Variants in SLC27A4 observed in about 807,000 individuals in gnomAD.
SLC27A4 encodes long-chain fatty acid transport protein 4.
Under a neutral mutation model 64.4 loss-of-function variants are expected in SLC27A4, and 33 were observed. That is an observed-to-expected ratio of 0.51 (90% CI 0.39 to 0.68). SLC27A4 has a LOEUF of 0.68. SLC27A4 is among the 30% of genes least tolerant of loss of function. The probability of loss-of-function intolerance (pLI) is 0.00; values close to 1 mark genes in which losing one functional copy is unlikely to be tolerated. For synonymous variants in SLC27A4, 377 were observed against 370.0 expected (o/e 1.02, Z -0.22); for missense variants, 824 against 883.5 (o/e 0.93, Z 0.85).
intron 9 of SLC27A4, 88 bp from the exon 10 acceptor site, chr9:128,354,953 CAAAAAAAAAAAA>C (rs139411337): frequency 2.8e-6 from 2 of 726,370 alleles, no homozygotes; most frequent in Non-Finnish European, 3.9e-6. Context: ...AACTCCGTCT[CAAAAAAAAAAAA>C]AAAAAAAAAG....
At chr9:128,342,464 T>C in intron 1 of SLC27A4, 1 of 1,518,010 alleles carries the variant, frequency 6.6e-7, no homozygotes, top group Non-Finnish European at 9.1e-7. Context: ...GCAAAGAGGT[T>C]GGATCAAGTT....
chr9:128,358,796 C>T (rs1031180676), intron 12 of SLC27A4, among the ~76,000 whole-genome samples: 29 of 152,238 alleles, frequency 1.9e-4, no homozygotes, highest in African/African-American at 5.5e-4. Flanking sequence ...TATTGGACGG[C>T]GCCGGTCTGG....
At chr9:128,358,434 TA>T (rs1832850975) in intron 12 of SLC27A4, among the ~76,000 whole-genome samples, 1 of 152,230 alleles carries the variant, frequency 6.6e-6, no homozygotes, top group Admixed American at 6.5e-5. Context: ...AAATTTTGTT[TA>T]ATTAACTTAA....
chr9:128,351,485 G>C (rs1258289185), intron 6 of SLC27A4, among the ~76,000 whole-genome samples: 1 of 152,062 alleles, frequency 6.6e-6, no homozygotes, highest in East Asian at 1.9e-4. Flanking sequence ...AACACTTTGG[G>C]AGGTGAGTGG....
rs1351006080 is a variant in SLC27A4, at chr9:128,353,327, G to C, written c.1198-88G>C. The C allele has an allele frequency of 3.7e-6, 6 of 1,610,678 alleles. No homozygotes were observed. Among genetic ancestry groups the C allele is most frequent in the Non-Finnish European group, 5.1e-6 (6 of 1,177,440 alleles). On this transcript the variant is annotated intron_variant, in intron 8 of 12. Coordinates refer to ENST00000300456, the MANE Select transcript of SLC27A4 (RefSeq NM_005094.4). The surrounding 1 kb of genome is among the most constrained non-coding windows in gnomAD (Gnocchi z 4.9). ...GGGAGGGCAGAGTTCGAGCGTGAGA[G>C]TGTGGGTGCTGGAGTCCCACTTCCC...
chr9:128,360,598 CT>C lies in SLC27A4; in HGVS notation c.*108del, dbSNP rs1049315904. Reference sequence around the variant, plus strand: ...GACCAAAGCAAGCAGGGCCTGGCACCTCCATCCTGAGGTGCTGCCCCTCCAT... The same window carrying C: ...GACCAAAGCAAGCAGGGCCTGGCACCCCATCCTGAGGTGCTGCCCCTCCAT... On this transcript the variant is annotated 3_prime_UTR_variant, in exon 13 of 13. Transcript: ENST00000300456. 1 of 1,225,734 alleles carries C rather than the reference CT, an allele frequency of 8.2e-7. No homozygotes were observed. Among genetic ancestry groups the C allele is most frequent in the Non-Finnish European group, 1.2e-6 (1 of 852,958 alleles). The allele number at this position is 1,225,734 out of a possible 1,614,324, so 75.9% of individuals were successfully genotyped here.
At position 128,357,348 on chromosome 9, in the gene SLC27A4, T is replaced by TTGAACCCAGGAGACCCAGGAG. The variant is rs1832836046; in HGVS notation, c.1774+1553_1774+1573dup. Among the ~76,000 whole-genome samples, 3 of 150,554 alleles carry TTGAACCCAGGAGACCCAGGAG rather than the reference T, an allele frequency of 2.0e-5. No homozygotes were observed. The East Asian group carries it at 5.9e-4, about 30-fold the overall frequency. Reference sequence around the variant, plus strand: ...CGGGAGGCTGAGACAGGAGAATTGCTTGAACCCAGGAGACCCAGGAGCCAC... The same window carrying TTGAACCCAGGAGACCCAGGAG: ...CGGGAGGCTGAGACAGGAGAATTGCTTGAACCCAGGAGACCCAGGAGTGAACCCAGGAGACCCAGGAGCCAC... On this transcript the variant is annotated intron_variant, in intron 12 of 12. Transcript: ENST00000300456.
intron 12 of SLC27A4, among the ~76,000 whole-genome samples, 163 bp from the exon 13 acceptor site, chr9:128,360,171 G>A (rs1427424205): frequency 1.3e-5 from 2 of 152,176 alleles, no homozygotes; most frequent in Admixed American, 6.5e-5. Flanking sequence ...CACAGCTGCT[G>A]TATGACCATT....
rs1403771127 is a variant in SLC27A4 at position 128,360,467 on chromosome 9, C to A, written c.1908C>A (p.Ile636=). 6.2e-7 allele frequency: 1 copy of A among 1,614,090 alleles called. No individual in the cohort carries two copies. Residue 636 remains isoleucine, a synonymous_variant, in exon 13 of 13, where the codon ATC becomes ATA. Coordinates refer to ENST00000300456, the MANE Select transcript of SLC27A4 (RefSeq NM_005094.4). ...VPLDQEAYSR[I]QAGEEKL ...TGGACCAAGAGGCCTACAGCCGCAT[C>A]CAGGCAGGCGAGGAGAAGCTGTGAT...
intron 4 of SLC27A4, 69 bp from the exon 5 acceptor site, chr9:128,350,243 G>A: frequency 7.7e-7 from 1 of 1,292,180 alleles, no homozygotes; most frequent in Non-Finnish European, 1.1e-6. Context: ...ACCTGCAGGT[G>A]TCCATTTGTG....
intron 1 of SLC27A4, 123 bp downstream of exon 1, chr9:128,340,961 C>T: frequency 2.1e-6 from 1 of 481,806 alleles, no homozygotes; most frequent in Non-Finnish European, 3.8e-6. Flanking sequence ...CCGACAGACG[C>T]ACTGTTACCT....
rs146003017 is a variant in SLC27A4, at chr9:128,345,444, G to A, written c.451G>A (p.Val151Met). The change falls in exon 3 of 13, where the codon GTG becomes ATG. Residue 151 changes from valine (V) to methionine (M), a missense_variant. By Grantham distance (21) the Val-to-Met change is conservative. Transcript: ENST00000300456. The surrounding 1 kb of genome is among the most constrained non-coding windows in gnomAD (Gnocchi z 4.1). ...GLWLGMAKLG[V>M]EAALINTNLR... ...ATGGCTGGGCATGGCCAAGCTCGGT[G>A]TGGAGGCAGCCCTCATCAACACCAA... The A allele has an allele frequency of 2.5e-6, 4 of 1,613,524 alleles. No individual in the cohort carries two copies. The highest frequency in any genetic ancestry group is 3.4e-6 in the Non-Finnish European group (4 of 1,180,024).
Position 128,350,471 on chromosome 9 carries a change from T to C in SLC27A4, c.786-13T>C, listed in dbSNP as rs1421614341. The C allele has an allele frequency of 2.5e-6, 4 of 1,613,638 alleles. No individual in the cohort carries two copies. The highest frequency in any genetic ancestry group is 2.7e-5 in the African/African-American group (2 of 74,928). On this transcript the variant is annotated splice_polypyrimidine_tract_variant and intron_variant, in intron 5 of 12. Transcript: ENST00000300456. ...CTAGGGCCCGCTCAGCCCTTGGCCC[T>C]GTGCCTTCCCAGGTATTACCGCATG...
At chr9:128,344,523 AAAAAAAC>A (rs1388916958) in intron 2 of SLC27A4, among the ~76,000 whole-genome samples, 1 of 152,106 alleles carries the variant, frequency 6.6e-6, no homozygotes, top group Non-Finnish European at 1.5e-5. Flanking sequence ...CATCTCAAAA[AAAAAAAC>A]AAAAAAACAA....
At chr9:128,356,291 AC>A (rs1248769154) in intron 12 of SLC27A4, among the ~76,000 whole-genome samples, 3 of 152,074 alleles carry the variant, frequency 2.0e-5, no homozygotes, top group African/African-American at 7.2e-5. Context: ...GGTGGGAGGC[AC>A]TCTAGGCTGC....
intron 3 of SLC27A4, among the ~76,000 whole-genome samples, chr9:128,347,553 C>G (rs796350111): frequency 3.3e-5 from 5 of 151,550 alleles, no homozygotes; most frequent in African/African-American, 4.8e-5. Context: ...ATGGTGAAAC[C>G]CTGTTTTTAC....
In SLC27A4 at chr9:128,348,717, C is replaced by G. The variant is rs1317790598; in HGVS notation, c.715+14C>G. The G allele has an allele frequency of 1.2e-6, 2 of 1,613,386 alleles. No individual in the cohort carries two copies. Among genetic ancestry groups the G allele is most frequent in the African/African-American group, 1.3e-5 (1 of 74,944 alleles). On this transcript the variant is annotated intron_variant, in intron 4 of 12. Coordinates refer to ENST00000300456, the MANE Select transcript of SLC27A4 (RefSeq NM_005094.4). ...AGGGCTTCACAGGTGGGCTCCATCC[C>G]CTCCCCATAGAGGGGCTCTCACACA...
At chr9:128,354,179 A>G (rs930710273) in intron 9 of SLC27A4, among the ~76,000 whole-genome samples, 10 of 151,554 alleles carry the variant, frequency 6.6e-5, no homozygotes, top group African/African-American at 2.2e-4. Context: ...CCTGACTTCA[A>G]GTGATCCATC....
At chr9:128,341,224 T>C (rs977740687) in intron 1 of SLC27A4, among the ~76,000 whole-genome samples, 1 of 152,176 alleles carries the variant, frequency 6.6e-6, no homozygotes, top group African/African-American at 2.4e-5. Context: ...CCAGGGCTTC[T>C]TGTGGTCCAG....
Sources: allele counts gnomAD v4.1 joint callset (sites outside exome capture counted in the v4.1 genomes callset), GRCh38; gene constraint gnomAD v4.1.1; non-coding constraint Gnocchi (gnomAD v3.1); transcripts MANE v1.5; gene names NCBI Gene and HGNC (gene_info 2026-07-23, HGNC 2026-07-21).